The following SPAG17 variants were observed in gnomAD, a reference collection of about 807,000 sequenced individuals.
The protein encoded by SPAG17 is sperm-associated antigen 17.
SPAG17 carries 169 observed loss-of-function variants against 273.6 expected under a neutral mutation model. That is an observed-to-expected ratio of 0.62 (90% CI 0.55 to 0.70). The LOEUF is 0.70. Among genes scored for constraint, SPAG17 ranks in the 30% least tolerant of loss-of-function variants. The probability of loss-of-function intolerance (pLI) is 0.00; values close to 1 mark genes in which losing one functional copy is unlikely to be tolerated. For synonymous variants in SPAG17, 825 were observed against 873.2 expected, an observed-to-expected ratio of 0.94 and a Z score of 0.97; for missense variants, 2,557 against 2,627.8, an observed-to-expected ratio of 0.97 and a Z score of 0.59.
At chr1:118,141,488 G>A (rs563971734) in intron 3 of SPAG17, among the ~76,000 whole-genome samples, 1 of 152,252 alleles carries the variant, frequency 6.6e-6, no homozygotes, top group Non-Finnish European at 1.5e-5. Context: ...AAATGTCTAG[G>A]TAATAAAGCA....
At chr1:117,955,287 A>C (rs778031499) in intron 48 of SPAG17, 2 of 1,597,106 alleles carry the variant, frequency 1.3e-6, no homozygotes, top group Non-Finnish European at 1.7e-6. Flanking sequence ...CAAGAGTATC[A>C]CTAATGGTAT....
At position 118,039,402 on chromosome 1, in the gene SPAG17, T is replaced by C. The variant is rs201985805; in HGVS notation, c.3209A>G (p.Asn1070Ser). ...IKVRVVKDNH[N>S]FMIHLNDPKE... ...AGGGTCATTTAAATGAATCATAAAA[T>C]TGTGGTTGTCCTTTACCACTCTCAC... Residue 1070 changes from asparagine (N) to serine (S), a missense_variant, in exon 23 of 49, where the codon AAT (asparagine) becomes AGT (serine). Asn to Ser is a conservative substitution (Grantham distance 46). Coordinates refer to ENST00000336338, the MANE Select transcript of SPAG17 (RefSeq NM_206996.4). 135 of 1,613,540 alleles carry C rather than the reference T, an allele frequency of 8.4e-5. 1 individual carries two copies. In the East Asian group the frequency reaches 2.7e-3, roughly 33 times the overall value.
chr1:118,123,971 C>T (rs1657562290), intron 3 of SPAG17, among the ~76,000 whole-genome samples: 2 of 152,112 alleles, frequency 1.3e-5, no homozygotes, highest in African/African-American at 2.4e-5. Flanking sequence ...CCAATATGTG[C>T]ATGTCAAAAA....
intron 3 of SPAG17, among the ~76,000 whole-genome samples, chr1:118,133,972 C>A (rs1658199995): frequency 6.6e-6 from 1 of 152,118 alleles, no homozygotes; most frequent in South Asian, 2.1e-4. Context: ...AAATGTTCAA[C>A]CTTATAATTT....
chr1:118,117,483 T>A (rs1657155085), intron 3 of SPAG17, among the ~76,000 whole-genome samples: 1 of 152,230 alleles, frequency 6.6e-6, no homozygotes, highest in Non-Finnish European at 1.5e-5. Flanking sequence ...ATTACTGGTT[T>A]GTCTAAAACT....
At chr1:117,958,007 T>C (rs1015625572) in intron 48 of SPAG17, among the ~76,000 whole-genome samples, 6 of 152,212 alleles carry the variant, frequency 3.9e-5, no homozygotes, top group African/African-American at 1.4e-4. Flanking sequence ...TTGAGAAGAA[T>C]ATATGCACAA....
intron 17 of SPAG17, among the ~76,000 whole-genome samples, chr1:118,069,175 C>T (rs1265032659): frequency 6.6e-6 from 1 of 151,736 alleles, no homozygotes; most frequent in Non-Finnish European, 1.5e-5. Context: ...GAAACCCTGT[C>T]TCTACTAAAA....
At chr1:117,994,895 A>G (rs1657487404) in intron 34 of SPAG17, among the ~76,000 whole-genome samples, 1 of 152,112 alleles carries the variant, frequency 6.6e-6, no homozygotes, top group Non-Finnish European at 1.5e-5. Context: ...TACAGCAACA[A>G]CTGGTTTTGC....
Position 118,139,515 on chromosome 1 carries a change from A to T in SPAG17, c.315+11028T>A, listed in dbSNP as rs537520190. ...TTGTTAAAGAGGTGTCTGCACCTCCATGTTCATTGTAGTACTATTCACAAT... is the reference window on the plus strand; with the variant it reads ...TTGTTAAAGAGGTGTCTGCACCTCCTTGTTCATTGTAGTACTATTCACAAT... On this transcript the variant is annotated intron_variant, in intron 3 of 48. Transcript: ENST00000336338. Among the ~76,000 whole-genome samples the T allele has an allele frequency of 2.6e-4, 39 of 152,352 alleles. No homozygotes were observed. The South Asian group carries it at 8.1e-3, about 32-fold the overall frequency.
At chr1:117,955,382 T>G (rs1185678174) in intron 48 of SPAG17, 1 of 1,608,494 alleles carries the variant, frequency 6.2e-7, no homozygotes, top group African/African-American at 1.3e-5. Flanking sequence ...TGCGCACAAT[T>G]TTTGTAATCT....
At chr1:118,009,645 G>C (rs886953723) in intron 30 of SPAG17, among the ~76,000 whole-genome samples, 2 of 152,060 alleles carry the variant, frequency 1.3e-5, no homozygotes, top group African/African-American at 4.8e-5. Context: ...CTAGTATCTA[G>C]GACAGATGAA....
At chr1:118,035,522 A>C (rs1648979918) in intron 24 of SPAG17, among the ~76,000 whole-genome samples, 1 of 152,212 alleles carries the variant, frequency 6.6e-6, no homozygotes, top group East Asian at 1.9e-4. Flanking sequence ...AGGCAAAATT[A>C]AAACACAAAA....
chr1:118,174,289 G>T (rs987943634), intron 1 of SPAG17, among the ~76,000 whole-genome samples: 2 of 151,980 alleles, frequency 1.3e-5, no homozygotes, highest in South Asian at 2.1e-4. Flanking sequence ...TATTAAAAGG[G>T]ACCAAACAGA....
At chr1:118,063,386 G>A (rs377089689) in intron 18 of SPAG17, among the ~76,000 whole-genome samples, 1 of 152,092 alleles carries the variant, frequency 6.6e-6, no homozygotes, top group Non-Finnish European at 1.5e-5. Flanking sequence ...CCAAAACAGA[G>A]ATATAGATCA....
At chr1:117,994,777 C>T (rs1044083193) in intron 34 of SPAG17, among the ~76,000 whole-genome samples, 2 of 152,200 alleles carry the variant, frequency 1.3e-5, no homozygotes, top group Non-Finnish European at 2.9e-5. Flanking sequence ...TCGTCCCTCA[C>T]CAACCACATA....
rs765109575 is a variant in SPAG17, at chr1:118,086,783, T to C, written c.1499A>G (p.Asn500Ser). The change falls in exon 12 of 49, where the codon AAT becomes AGT. Residue 500 changes from asparagine to serine, a missense_variant and splice_region_variant. Coordinates refer to ENST00000336338, the MANE Select transcript of SPAG17 (RefSeq NM_206996.4). ...SLCLSEREKK[N>S]LHDIFLSEEE... ...TTCAGATAAAAATATGTCATGAAGA[T>C]TCTATGCAAATTGAAACAATATTGA... The C allele has an allele frequency of 1.2e-6, 2 of 1,614,114 alleles. No homozygotes were observed. Among genetic ancestry groups the C allele is most frequent in the Non-Finnish European group, 1.7e-6 (2 of 1,179,976 alleles).
rs745597747 is a variant in SPAG17, at chr1:118,091,996, G to A, written c.1180C>T (p.Gln394Ter). The stretch of plus-strand genomic sequence containing the variant: ...TTTCCAGGAGCTGGTACAGCAGGTT[G>A]TGGAGCCTAGAAAAAGAATAATTAA... ...LEAMPTSEAPQPAVPAPGKKK... is the reference protein window; with the variant it reads ...LEAMPTSEAP Residue 394 changes from glutamine (Q) to a stop codon, truncating the protein, a stop_gained, in exon 9 of 49, where the codon CAA becomes TAA. Coordinates refer to ENST00000336338, the MANE Select transcript of SPAG17 (RefSeq NM_206996.4). LOFTEE classifies it high-confidence loss of function. 6.2e-7 allele frequency: 1 copy of A among 1,613,404 alleles called. No individual in the cohort carries two copies. Among genetic ancestry groups the A allele is most frequent in the South Asian group, 1.1e-5 (1 of 91,058 alleles).
At chr1:118,104,925 T>C (rs1045370627) in intron 4 of SPAG17, among the ~76,000 whole-genome samples, 2 of 152,084 alleles carry the variant, frequency 1.3e-5, no homozygotes, top group Non-Finnish European at 2.9e-5. Context: ...TATGTATATA[T>C]GTAAAGTCAA....
chr1:118,161,784 C>T (rs541593810), intron 1 of SPAG17, among the ~76,000 whole-genome samples: 1 of 152,314 alleles, frequency 6.6e-6, no homozygotes, highest in South Asian at 2.1e-4. Flanking sequence ...ATCTGCCTGC[C>T]TCGGCCTCCC....
Sources: allele counts gnomAD v4.1 joint callset (sites outside exome capture counted in the v4.1 genomes callset), GRCh38; gene constraint gnomAD v4.1.1; transcripts MANE v1.5; gene names NCBI Gene and HGNC (gene_info 2026-07-23, HGNC 2026-07-21).